CNTLN: variants seen among roughly 807,000 people sequenced by gnomAD.
CNTLN encodes the protein centlein, centrosomal protein.
Under a neutral mutation model 180.0 loss-of-function variants are expected in CNTLN, and 212 were observed. The observed-to-expected ratio is 1.18, with a 90% CI of 1.05 to 1.32. The LOEUF (loss-of-function observed/expected upper bound fraction) is 1.32, where lower values mean the gene tolerates loss of function less well. CNTLN is among the 40% of genes most tolerant of loss of function. CNTLN has a pLI of 0.00. For missense variants in CNTLN, 2,095 were observed against 1,610.9 expected, an observed-to-expected ratio of 1.30 and a Z score of -5.14; for synonymous variants, 722 against 563.1, an observed-to-expected ratio of 1.28 and a Z score of -3.99.
intron 18 of CNTLN, among the ~76,000 whole-genome samples, chr9:17,430,717 G>C (rs1474333999): frequency 4.6e-5 from 7 of 152,016 alleles, no homozygotes; most frequent in Admixed American, 3.3e-4. Context: ...GCCACCCTTT[G>C]TAGCCTCTGG....
intron 5 of CNTLN, among the ~76,000 whole-genome samples, chr9:17,247,250 A>C (rs1171563265): frequency 1.3e-5 from 2 of 151,980 alleles, no homozygotes; most frequent in African/African-American, 4.8e-5. Flanking sequence ...AAGTTTATTT[A>C]GGACCTCAGA....
Position 17,295,423 on chromosome 9 carries a change from C to T in CNTLN, c.984-2767C>T, listed in dbSNP as rs755442185. On this transcript the variant is annotated intron_variant, in intron 6 of 25. Coordinates refer to ENST00000380647, the MANE Select transcript of CNTLN (RefSeq NM_017738.4). ...GTCGATCACTCACCATTTCCCTTGGCTGGTGGTAGGAGCTCGCATTACTCT... is the reference window on the plus strand; with the variant it reads ...GTCGATCACTCACCATTTCCCTTGGTTGGTGGTAGGAGCTCGCATTACTCT... 1.0e-3 allele frequency among the ~76,000 whole-genome samples: 157 copies of T among 152,300 alleles called. 1 individual carries two copies. Among genetic ancestry groups the T allele is most frequent in the Non-Finnish European group, 1.4e-3 (96 of 68,016 alleles).
intron 18 of CNTLN, among the ~76,000 whole-genome samples, chr9:17,451,461 A>C (rs999143461): frequency 6.6e-6 from 1 of 152,322 alleles, no homozygotes; most frequent in African/African-American, 2.4e-5. Context: ...ATTTTGGAGA[A>C]GTTATTGGAA....
intron 8 of CNTLN, among the ~76,000 whole-genome samples, chr9:17,315,593 G>T (rs1022210199): frequency 5.3e-5 from 8 of 151,912 alleles, no homozygotes; most frequent in African/African-American, 1.9e-4. Flanking sequence ...TCCTGTCCTT[G>T]TGAGATTCCA....
chr9:17,299,312 T>C (rs1363482795), intron 7 of CNTLN: 4 of 260,180 alleles, frequency 1.5e-5, no homozygotes, highest in African/African-American at 2.3e-5. Context: ...TGCTAAATTA[T>C]TTTAATAAAT....
At chr9:17,434,638 C>T (rs2134001512) in intron 18 of CNTLN, among the ~76,000 whole-genome samples, 1 of 152,090 alleles carries the variant, frequency 6.6e-6, no homozygotes, top group East Asian at 1.9e-4. Context: ...TACATATGGT[C>T]TATCTTGTTG....
intron 5 of CNTLN, among the ~76,000 whole-genome samples, chr9:17,258,338 T>A (rs1826674433): frequency 6.7e-6 from 1 of 149,468 alleles, no homozygotes; most frequent in Non-Finnish European, 1.5e-5. Context: ...TTGATCTATA[T>A]CTCTGTTTTG....
chr9:17,347,608 G>T (rs1018852837), intron 12 of CNTLN, among the ~76,000 whole-genome samples: 5 of 149,016 alleles, frequency 3.4e-5, no homozygotes, highest in African/African-American at 1.2e-4. Context: ...GGTGGAGGTT[G>T]CAGTGAACCG....
At chr9:17,491,638 T>C (rs1833168121) in intron 25 of CNTLN, among the ~76,000 whole-genome samples, 2 of 151,978 alleles carry the variant, frequency 1.3e-5, no homozygotes, top group African/African-American at 4.8e-5. Flanking sequence ...TAGATCATTT[T>C]CTTCTATTGG....
intron 10 of CNTLN, among the ~76,000 whole-genome samples, chr9:17,333,273 G>A (rs924840987): frequency 6.6e-6 from 1 of 152,074 alleles, no homozygotes; most frequent in African/African-American, 2.4e-5. Flanking sequence ...ACCAGTCTTT[G>A]AGAGCTTATA....
chr9:17,263,860 C>T (rs1298991912), intron 5 of CNTLN, among the ~76,000 whole-genome samples: 2 of 141,086 alleles, frequency 1.4e-5, no homozygotes, highest in Non-Finnish European at 3.0e-5. Context: ...AGTGTCTGTT[C>T]ATATCCTTCG....
chr9:17,460,291 T>A (rs757466721), intron 19 of CNTLN, among the ~76,000 whole-genome samples: 8 of 151,758 alleles, frequency 5.3e-5, no homozygotes, highest in Middle Eastern at 3.4e-3. Flanking sequence ...ATGCAAATTT[T>A]AAAAAAATAT....
At chr9:17,347,948 C>T (rs367856383) in intron 12 of CNTLN, among the ~76,000 whole-genome samples, 3 of 152,192 alleles carry the variant, frequency 2.0e-5, no homozygotes, top group African/African-American at 7.2e-5. Context: ...TCTTCTGCCT[C>T]AGCCTCCTGA....
chr9:17,215,873 G>C (rs1241166707), intron 2 of CNTLN, among the ~76,000 whole-genome samples: 1 of 152,132 alleles, frequency 6.6e-6, no homozygotes, highest in Non-Finnish European at 1.5e-5. Flanking sequence ...ATAATCTCCT[G>C]GTGTGCCGTA....
At chr9:17,256,640 A>T (rs950134914) in intron 5 of CNTLN, among the ~76,000 whole-genome samples, 10 of 151,924 alleles carry the variant, frequency 6.6e-5, no homozygotes, top group Non-Finnish European at 1.3e-4. Flanking sequence ...TCTGTAAGGC[A>T]GAATGTGTAT....
chr9:17,379,474 C>G (rs1259874229), intron 13 of CNTLN, among the ~76,000 whole-genome samples: 5 of 152,080 alleles, frequency 3.3e-5, no homozygotes, highest in African/African-American at 9.7e-5. Flanking sequence ...GATTACTGGA[C>G]TACATTTAGG....
chr9:17,250,155 T>C (rs1000598038), intron 5 of CNTLN, among the ~76,000 whole-genome samples: 15 of 151,930 alleles, frequency 9.9e-5, no homozygotes, highest in Non-Finnish European at 2.1e-4. Context: ...TTAAAGTCTC[T>C]TCTTTCTGAT....
intron 13 of CNTLN, among the ~76,000 whole-genome samples, chr9:17,382,309 C>G (rs1418410289): frequency 6.6e-6 from 1 of 152,158 alleles, no homozygotes; most frequent in African/African-American, 2.4e-5. Flanking sequence ...GCAAGTAACT[C>G]AAGTTTACTT....
At chr9:17,372,165 A>G (rs1200223625) in intron 13 of CNTLN, among the ~76,000 whole-genome samples, 1 of 152,180 alleles carries the variant, frequency 6.6e-6, no homozygotes, top group Non-Finnish European at 1.5e-5. Context: ...AAAAATCATT[A>G]AAACAAAAAA....
Sources: gnomAD v4.1 joint callset for allele counts (sites outside exome capture counted in the v4.1 genomes callset) on GRCh38, gnomAD v4.1.1 for gene constraint, MANE v1.5 for transcripts, NCBI Gene and HGNC (gene_info 2026-07-23, HGNC 2026-07-21) for gene names.